The following EPHA6 variants were observed in gnomAD, a reference collection of about 807,000 sequenced individuals.
EPHA6 encodes the protein EPH receptor A6, also known as ephrin type-A receptor 6.
EPHA6 carries 50 observed loss-of-function variants against 112.0 expected under a neutral mutation model. That is an observed-to-expected ratio of 0.45 (90% CI 0.36 to 0.56). The LOEUF (loss-of-function observed/expected upper bound fraction) is 0.56, where lower values mean the gene tolerates loss of function less well. Ranked by LOEUF, EPHA6 falls within the 20% of genes least tolerant of loss-of-function variation. EPHA6 has a pLI of 0.00. For missense variants in EPHA6, 1,280 were observed against 1,417.4 expected, an observed-to-expected ratio of 0.90 and a Z score of 1.56; for synonymous variants, 529 against 490.7, an observed-to-expected ratio of 1.08 and a Z score of -1.03.
At chr3:96,854,179 C>CTTT (rs781751530) in intron 1 of EPHA6, among the ~76,000 whole-genome samples, 3 of 131,258 alleles carry the variant, frequency 2.3e-5, no homozygotes, top group Non-Finnish European at 3.2e-5. Context: ...TTAATCATGA[C>CTTT]TTTTTTTTTT....
chr3:97,179,717 GTCTCTCTCTCTCTCTC>G (rs71113852), intron 3 of EPHA6, among the ~76,000 whole-genome samples: 5 of 119,110 alleles, frequency 4.2e-5, no homozygotes, highest in Non-Finnish European at 6.6e-5. Flanking sequence ...AACCTACAGA[GTCTCTCTCTCTCTCTC>G]TCTCTCTCTC....
intron 5 of EPHA6, among the ~76,000 whole-genome samples, chr3:97,317,213 T>TATATCTCCCAAAAGA (rs1553744657): frequency 6.6e-6 from 1 of 151,722 alleles, no homozygotes; most frequent in Non-Finnish European, 1.5e-5. Flanking sequence ...GCAGGAAAAG[T>TATATCTCCCAAAAGA]ATATCTCCCA....
chr3:97,388,636 T>C (rs996347897), intron 5 of EPHA6, among the ~76,000 whole-genome samples: 1 of 152,162 alleles, frequency 6.6e-6, no homozygotes, highest in African/African-American at 2.4e-5. Context: ...TTCTTCTCTT[T>C]GGTAATGGGA....
At chr3:96,923,100 T>C (rs1278221821) in intron 2 of EPHA6, among the ~76,000 whole-genome samples, 1 of 152,236 alleles carries the variant, frequency 6.6e-6, no homozygotes, top group Non-Finnish European at 1.5e-5. Context: ...GCAGTGAACA[T>C]ACGCATGCAT....
At chr3:97,065,388 A>G (rs1210740326) in intron 3 of EPHA6, among the ~76,000 whole-genome samples, 1 of 152,148 alleles carries the variant, frequency 6.6e-6, no homozygotes, top group African/African-American at 2.4e-5. Context: ...TTCAGAATAC[A>G]TGATTTTTAT....
chr3:97,444,156 G>A (rs1189504506), intron 6 of EPHA6, among the ~76,000 whole-genome samples: 1 of 152,030 alleles, frequency 6.6e-6, no homozygotes, highest in African/African-American at 2.4e-5. Context: ...TATTATGATT[G>A]TTGTTATATC....
intron 5 of EPHA6, among the ~76,000 whole-genome samples, chr3:97,272,657 G>A (rs2079927929): frequency 6.6e-6 from 1 of 151,960 alleles, no homozygotes; most frequent in Admixed American, 6.6e-5. Flanking sequence ...GCAGGCAGGG[G>A]TGGGGGTCAC....
chr3:97,249,187 AT>A (rs1256297480), intron 5 of EPHA6, among the ~76,000 whole-genome samples: 4 of 152,086 alleles, frequency 2.6e-5, no homozygotes, highest in Non-Finnish European at 4.4e-5. Flanking sequence ...TATTATTTGT[AT>A]TTTCCATATT....
At chr3:97,458,273 A>T (rs2090766141) in intron 7 of EPHA6, among the ~76,000 whole-genome samples, 1 of 152,102 alleles carries the variant, frequency 6.6e-6, no homozygotes, top group Admixed American at 6.5e-5. Flanking sequence ...AAAGATAGGC[A>T]AAGGAGCAGA....
At chr3:97,165,234 A>T (rs564165003) in intron 3 of EPHA6, among the ~76,000 whole-genome samples, 1 of 152,056 alleles carries the variant, frequency 6.6e-6, no homozygotes, top group African/African-American at 2.4e-5. Flanking sequence ...TACCACCTAT[A>T]CTCCAAGATT....
intron 4 of EPHA6, among the ~76,000 whole-genome samples, chr3:97,228,972 T>C (rs1224522593): frequency 1.3e-5 from 2 of 152,206 alleles, no homozygotes; most frequent in African/African-American, 2.4e-5. Context: ...TGATAATTAG[T>C]GATGTTGAGC....
chr3:97,751,215 G>A lies in EPHA6; in HGVS notation c.*2514G>A, dbSNP rs147822584. On this transcript the variant is annotated 3_prime_UTR_variant, in exon 18 of 18. Coordinates refer to ENST00000389672, the MANE Select transcript of EPHA6 (RefSeq NM_001080448.3). The stretch of plus-strand genomic sequence containing the variant: ...TAAGTTATTTAAATTTCTATGGGAT[G>A]AGCATTCAGTGATTACAAGATTAAA... Among the ~76,000 whole-genome samples, 17 of 152,186 alleles carry A rather than the reference G, an allele frequency of 1.1e-4. 1 individual carries two copies. The South Asian group carries it at 1.5e-3, about 13-fold the overall frequency.
chr3:97,130,634 A>T (rs891472838), intron 3 of EPHA6, among the ~76,000 whole-genome samples: 1 of 152,114 alleles, frequency 6.6e-6, no homozygotes, highest in Non-Finnish European at 1.5e-5. Context: ...TTCCTAACCT[A>T]TTGATACATC....
chr3:97,692,555 T>C (rs934029087), intron 14 of EPHA6, among the ~76,000 whole-genome samples: 5 of 152,192 alleles, frequency 3.3e-5, no homozygotes, highest in African/African-American at 1.2e-4. Flanking sequence ...CTCAGCTACC[T>C]CAGGAGTCCT....
At chr3:97,435,684 G>A (rs2089790216) in intron 6 of EPHA6, among the ~76,000 whole-genome samples, 1 of 152,136 alleles carries the variant, frequency 6.6e-6, no homozygotes, top group African/African-American at 2.4e-5. Context: ...CTGCAGAACA[G>A]GGCTCTTCAC....
intron 3 of EPHA6, among the ~76,000 whole-genome samples, chr3:97,222,276 TAAC>T (rs2078230344): frequency 6.6e-6 from 1 of 152,186 alleles, no homozygotes; most frequent in African/African-American, 2.4e-5. Context: ...AATAATTTTC[TAAC>T]AACAGAATTC....
chr3:97,123,341 G>A (rs915175135), intron 3 of EPHA6, among the ~76,000 whole-genome samples: 4 of 151,854 alleles, frequency 2.6e-5, no homozygotes, highest in Non-Finnish European at 5.9e-5. Context: ...CGCCTTTTTT[G>A]TTCATTGTAT....
At chr3:97,141,234 G>A (rs1265330281) in intron 3 of EPHA6, among the ~76,000 whole-genome samples, 1 of 152,040 alleles carries the variant, frequency 6.6e-6, no homozygotes, top group Non-Finnish European at 1.5e-5. Context: ...ATCATAGTGG[G>A]GGATTTTAAC....
At chr3:97,525,983 T>C (rs2092613965) in intron 10 of EPHA6, among the ~76,000 whole-genome samples, 1 of 152,188 alleles carries the variant, frequency 6.6e-6, no homozygotes, top group South Asian at 2.1e-4. Context: ...CTAGCCATAC[T>C]GTACAAATTG....
Sources: gnomAD v4.1 joint callset for allele counts (sites outside exome capture counted in the v4.1 genomes callset) on GRCh38, gnomAD v4.1.1 for gene constraint, MANE v1.5 for transcripts, NCBI Gene and HGNC (gene_info 2026-07-23, HGNC 2026-07-21) for gene names.